Variants in CUBN observed in about 807,000 individuals in gnomAD.
CUBN encodes 460 kDa receptor.
A neutral mutation model predicts 405.3 loss-of-function variants in CUBN; 282 were observed. The observed-to-expected ratio is 0.70, with a 90% CI of 0.63 to 0.77. CUBN has a LOEUF of 0.77. Among genes scored for constraint, CUBN ranks in the 30% least tolerant of loss-of-function variants. CUBN has a pLI of 0.00. For missense variants in CUBN, 4,514 were observed against 4,475.2 expected, an observed-to-expected ratio of 1.01 and a Z score of -0.25; for synonymous variants, 1,684 against 1,617.0, an observed-to-expected ratio of 1.04 and a Z score of -0.99.
At position 17,084,429 on chromosome 10, in the gene CUBN, G is replaced by A; in HGVS notation, c.2143C>T (p.Pro715Ser). ...DLRCGGNYTD[P>S]EGELFLPELS... Reference sequence around the variant, plus strand: ...TCAGGCAAGAAGAGTTCACCCTCTGGGTCCGTGTAGTTCCCACCACAACGC... The same window carrying A: ...TCAGGCAAGAAGAGTTCACCCTCTGAGTCCGTGTAGTTCCCACCACAACGC... Residue 715 changes from proline to serine, a missense_variant, in exon 17 of 67, where the codon CCA (proline) becomes TCA (serine). Around this residue, in one of 5 missense-constraint regions of CUBN, gnomAD observed 1,448 missense variants for 1,388.0 expected, o/e 1.04. Coordinates refer to ENST00000377833, the MANE Select transcript of CUBN (RefSeq NM_001081.4). 2 of 1,613,756 alleles carry A rather than the reference G, an allele frequency of 1.2e-6. No homozygotes were observed. Among genetic ancestry groups the A allele is most frequent in the Non-Finnish European group, 1.7e-6 (2 of 1,179,954 alleles).
At chr10:17,087,472 C>CTTTTTCTTTTTTT (rs1554818134) in intron 15 of CUBN, among the ~76,000 whole-genome samples, 3 of 71,712 alleles carry the variant, frequency 4.2e-5, no homozygotes, top group African/African-American at 1.4e-4. Context: ...TTTTCTTTTT[C>CTTTTTCTTTTTTT]TTTTTTTTTT....
intron 59 of CUBN, among the ~76,000 whole-genome samples, chr10:16,854,818 C>G (rs1839820655): frequency 6.6e-6 from 1 of 152,140 alleles, no homozygotes; most frequent in Non-Finnish European, 1.5e-5. Context: ...GCAGCACACC[C>G]ACATTCCAGG....
chr10:16,874,092 C>T (rs1419190935), intron 58 of CUBN, among the ~76,000 whole-genome samples: 2 of 152,170 alleles, frequency 1.3e-5, no homozygotes, highest in East Asian at 1.9e-4. Context: ...CTTATTATAC[C>T]TTGACAATCC....
Position 16,920,083 on chromosome 10 carries a change from G to A in CUBN, c.6701C>T (p.Ser2234Phe). The part of the protein sequence containing the change: ...HDADSAGYVT[S>F]PNHPHNYPPH... Reference sequence around the variant, plus strand: ...GGGATAATTATGAGGGTGGTTGGGGGAGGTCACATACCCAGCAGAATCAGC... The same window carrying A: ...GGGATAATTATGAGGGTGGTTGGGGAAGGTCACATACCCAGCAGAATCAGC... Residue 2234 changes from serine (S) to phenylalanine (F), a missense_variant, in exon 44 of 67, where the codon TCC becomes TTC. By Grantham distance (155) the Ser-to-Phe change is radical (BLOSUM62 -2). Coordinates refer to ENST00000377833, the MANE Select transcript of CUBN (RefSeq NM_001081.4). 6.2e-7 allele frequency: 1 copy of A among 1,614,040 alleles called. No homozygotes were observed. The highest frequency in any genetic ancestry group is 1.1e-5 in the South Asian group (1 of 91,072).
At chr10:16,979,890 C>G (rs1256661290) in intron 31 of CUBN, among the ~76,000 whole-genome samples, 1 of 151,980 alleles carries the variant, frequency 6.6e-6, no homozygotes, top group African/African-American at 2.4e-5. Flanking sequence ...GAAACTATCA[C>G]CAGAGTGAAC....
chr10:16,840,859 A>G (rs759958323), intron 61 of CUBN, 26 bp downstream of exon 61: 6 of 1,581,446 alleles, frequency 3.8e-6, no homozygotes, highest in Non-Finnish European at 5.2e-6. Flanking sequence ...ATTTCATAAC[A>G]TATAAAAATG....
chr10:16,968,848 T>G (rs1843472646), intron 31 of CUBN, among the ~76,000 whole-genome samples: 1 of 152,246 alleles, frequency 6.6e-6, no homozygotes, highest in African/African-American at 2.4e-5. Flanking sequence ...CACAGCTTCC[T>G]TAGCAAGAAA....
intron 28 of CUBN, among the ~76,000 whole-genome samples, chr10:17,007,945 A>G (rs1488506232): frequency 6.6e-6 from 1 of 152,200 alleles, no homozygotes; most frequent in African/African-American, 2.4e-5. Context: ...TGCTTAGCTC[A>G]GGAGTTTGAG....
chr10:16,828,744 T>C (rs1407197764), intron 66 of CUBN, 61 bp downstream of exon 66: 4 of 1,292,730 alleles, frequency 3.1e-6, no homozygotes, highest in East Asian at 2.3e-5. Context: ...AAGTCTACAC[T>C]AAGTGACTCA....
At chr10:17,077,596 A>G (rs561687050) in intron 17 of CUBN, among the ~76,000 whole-genome samples, 1 of 152,350 alleles carries the variant, frequency 6.6e-6, no homozygotes, top group Non-Finnish European at 1.5e-5. Flanking sequence ...CGCTTAGTCC[A>G]TCTGAGAGCT....
At chr10:16,948,327 G>T in intron 35 of CUBN, 151 bp downstream of exon 35, 2 of 948,100 alleles carry the variant, frequency 2.1e-6, no homozygotes, top group Non-Finnish European at 3.3e-6. Context: ...TTGACAACAC[G>T]ATCACTTAAT....
chr10:17,103,899 G>C (rs1301625877), intron 12 of CUBN, among the ~76,000 whole-genome samples: 1 of 152,160 alleles, frequency 6.6e-6, no homozygotes, highest in Non-Finnish European at 1.5e-5. Flanking sequence ...CATGGGGTCC[G>C]GTGACGAAAG....
chr10:16,930,288 C>G (rs1188119603), intron 40 of CUBN, among the ~76,000 whole-genome samples: 1 of 152,200 alleles, frequency 6.6e-6, no homozygotes, highest in Non-Finnish European at 1.5e-5. Context: ...AAGTGCTTCA[C>G]ATGTACTATC....
At chr10:17,002,806 GAGTT>G (rs1833927216) in intron 28 of CUBN, among the ~76,000 whole-genome samples, 1 of 152,156 alleles carries the variant, frequency 6.6e-6, no homozygotes, top group African/African-American at 2.4e-5. Flanking sequence ...TTACAACAAG[GAGTT>G]ATTTAGAAAC....
chr10:16,833,410 G>A (rs79484856), intron 64 of CUBN, among the ~76,000 whole-genome samples: 3 of 152,228 alleles, frequency 2.0e-5, no homozygotes, highest in East Asian at 1.9e-4. Flanking sequence ...AGCTTCCTCC[G>A]AGTGTTATTT....
At chr10:17,070,919 C>G (rs577709025) in intron 19 of CUBN, among the ~76,000 whole-genome samples, 1 of 152,296 alleles carries the variant, frequency 6.6e-6, no homozygotes, top group African/African-American at 2.4e-5. Flanking sequence ...GTAGTGAGAA[C>G]AGACGTTCTT....
chr10:16,909,237 G>A (rs1841652833), intron 48 of CUBN, among the ~76,000 whole-genome samples: 1 of 152,114 alleles, frequency 6.6e-6, no homozygotes, highest in South Asian at 2.1e-4. Flanking sequence ...GCTCTCTGGG[G>A]GCTTCTGGTG....
At chr10:17,069,971 G>A (rs1835701860) in intron 19 of CUBN, among the ~76,000 whole-genome samples, 1 of 152,166 alleles carries the variant, frequency 6.6e-6, no homozygotes, top group Non-Finnish European at 1.5e-5. Context: ...AGGGCATAGA[G>A]ACTACTCCTA....
At chr10:16,847,272 G>A (rs1042549009) in intron 60 of CUBN, among the ~76,000 whole-genome samples, 2 of 152,106 alleles carry the variant, frequency 1.3e-5, no homozygotes. Flanking sequence ...CTAACACAGT[G>A]AAACTTCATC....
Sources: gnomAD v4.1 joint callset for allele counts (sites outside exome capture counted in the v4.1 genomes callset) on GRCh38, gnomAD v4.1.1 for gene constraint, gnomAD v4.1.1 regional missense constraint, MANE v1.5 for transcripts, NCBI Gene and HGNC (gene_info 2026-07-23, HGNC 2026-07-21) for gene names.